The following ANPEP variants were observed in gnomAD, a reference collection of about 807,000 sequenced individuals.
ANPEP encodes the protein alanyl aminopeptidase, membrane.
Under a neutral mutation model 114.6 loss-of-function variants are expected in ANPEP, and 70 were observed. The ratio of observed to expected loss-of-function variants is 0.61; its 90% confidence interval spans 0.50 to 0.75. ANPEP has a LOEUF of 0.75. Among genes scored for constraint, ANPEP ranks in the 30% least tolerant of loss-of-function variants. ANPEP has a pLI of 0.00. For synonymous variants in ANPEP, 548 were observed against 522.3 expected (o/e 1.05, Z -0.67); for missense variants, 1,184 against 1,259.5 (o/e 0.94, Z 0.91).
chr15:89,792,638 G>T, intron 16 of ANPEP, 76 bp from the exon 17 acceptor site: 1 of 1,314,188 alleles, frequency 7.6e-7, no homozygotes, highest in Non-Finnish European at 1.1e-6. Flanking sequence ...CACAACCCCA[G>T]GCCGGCACCC....
At chr15:89,794,891 T>C (rs2141795766) in intron 15 of ANPEP, among the ~76,000 whole-genome samples, 1 of 152,258 alleles carries the variant, frequency 6.6e-6, no homozygotes, top group Non-Finnish European at 1.5e-5. Flanking sequence ...CATGGACTAA[T>C]TTTTGAGGGT....
chr15:89,809,884 G>C (rs1000577907), intron 1 of ANPEP, among the ~76,000 whole-genome samples: 2 of 152,176 alleles, frequency 1.3e-5, no homozygotes, highest in South Asian at 4.1e-4. Flanking sequence ...CGTCTCCCCA[G>C]ATCATCGGGG....
At position 89,785,396 on chromosome 15, in the gene ANPEP, C is replaced by G; in HGVS notation, c.2857G>C (p.Glu953Gln). ...KTKANIKWVK[E>Q]NKEVVLQWFT... is the part of the protein sequence containing the mutation. ...CACTGGAGCACCACCTCCTTGTTCT[C>G]CTTCACCCACTTGATGTTGGCTTTC... Residue 953 changes from glutamate (E) to glutamine (Q), a missense_variant, in exon 21 of 21, where the codon GAG (glutamate) becomes CAG (glutamine). Coordinates refer to ENST00000300060, the MANE Select transcript of ANPEP (RefSeq NM_001150.3). 1 of 1,614,206 alleles carries G rather than the reference C, an allele frequency of 6.2e-7. No homozygotes were observed. Among genetic ancestry groups the G allele is most frequent in the Non-Finnish European group, 8.5e-7 (1 of 1,180,024 alleles).
rs1259369099 is a variant in ANPEP at position 89,803,585 on chromosome 15, T to C, written c.1437+62A>G. ...CTGTGCCCCCAGACCCTGCCTTCAG[T>C]GAGGCCCCTCCAGGCCAAGTCCCCA... On this transcript the variant is annotated intron_variant, in intron 8 of 20. Coordinates refer to ENST00000300060, the MANE Select transcript of ANPEP (RefSeq NM_001150.3). This position sits in a 1 kb window ranked among gnomAD's most constrained non-coding sequence, Gnocchi z 4.2. 6.2e-7 allele frequency: 1 copy of C among 1,601,536 alleles called. No homozygotes were observed.
In ANPEP at chr15:89,790,527, G is replaced by A. The variant is rs756198835; in HGVS notation, c.2684C>T (p.Ser895Leu). Residue 895 changes from serine (S) to leucine (L), a missense_variant, in exon 20 of 21, where the codon TCG becomes TTG. Transcript: ENST00000300060. The part of the protein sequence containing the change: ...KKLFNDYGGG[S>L]FSFSNLIQAV... ...CTGGATGAGGTTGGAGAAGGAGAAC[G>A]AGCCACCACCATAACTGCAGGGAGG... is the stretch of plus-strand genomic sequence containing the variant. 28 of 1,613,830 alleles carry A rather than the reference G, an allele frequency of 1.7e-5. No individual in the cohort carries two copies. The highest frequency in any genetic ancestry group is 2.7e-5 in the African/African-American group (2 of 74,912).
Position 89,806,901 on chromosome 15 carries a change from G to A in ANPEP, c.-223-95C>T. 1 of 330,444 alleles carries A rather than the reference G, an allele frequency of 3.0e-6. No homozygotes were observed. The highest frequency in any genetic ancestry group is 4.7e-5 in the South Asian group (1 of 21,382). The allele number at this position is 330,444 out of a possible 1,614,324, so 20.5% of individuals were successfully genotyped here. ...CAGGCTTCCGGCTGTAGGCCCAGTGGGCAAAGCAAGCGGCCAGGTGGCATT... is the reference window on the plus strand; with the variant it reads ...CAGGCTTCCGGCTGTAGGCCCAGTGAGCAAAGCAAGCGGCCAGGTGGCATT... On this transcript the variant is annotated intron_variant, in intron 1 of 20. Coordinates refer to ENST00000300060, the MANE Select transcript of ANPEP (RefSeq NM_001150.3). The surrounding 1 kb of genome is among the most constrained non-coding windows in gnomAD (Gnocchi z 5.7).
rs200451419 is a variant in ANPEP at position 89,803,414 on chromosome 15, C to A, written c.1503+28G>T. 5.6e-6 allele frequency: 9 copies of A among 1,610,792 alleles called. No individual in the cohort carries two copies. Among genetic ancestry groups the A allele is most frequent in the Non-Finnish European group, 7.6e-6 (9 of 1,178,272 alleles). ...CGAGGGGCAGAAGGAGACCCACCCT[C>A]ATGGCTGGCCCAGGGTGCAGTACTC... is the stretch of plus-strand genomic sequence containing the variant. On this transcript the variant is annotated intron_variant, in intron 9 of 20. Coordinates refer to ENST00000300060, the MANE Select transcript of ANPEP (RefSeq NM_001150.3). The surrounding 1 kb of genome is among the most constrained non-coding windows in gnomAD (Gnocchi z 4.2).
chr15:89,792,606 A>T (rs2141792639), intron 16 of ANPEP, 44 bp from the exon 17 acceptor site: 4 of 1,557,212 alleles, frequency 2.6e-6, no homozygotes, highest in Non-Finnish European at 3.5e-6. Flanking sequence ...GGCGAACTCC[A>T]GCCAAGATTC....
At chr15:89,791,162 C>T in intron 18 of ANPEP, 69 bp from the exon 19 acceptor site, 1 of 1,550,128 alleles carries the variant, frequency 6.5e-7, no homozygotes, top group East Asian at 2.2e-5. Flanking sequence ...TGGACTGTCC[C>T]ACGCACATCA....
At chr15:89,805,018 G>A (rs957559777) in intron 4 of ANPEP, 60 bp downstream of exon 4, 6 of 1,608,542 alleles carry the variant, frequency 3.7e-6, no homozygotes, top group Admixed American at 1.7e-5. Flanking sequence ...TGAAGAGAAC[G>A]GGAAGACCCC....
chr15:89,808,287 A>G (rs1894759393), intron 1 of ANPEP, among the ~76,000 whole-genome samples: 1 of 152,170 alleles, frequency 6.6e-6, no homozygotes, highest in South Asian at 2.1e-4. Context: ...TCCGCAGCGA[A>G]GCCGCCCTGA....
At position 89,805,133 on chromosome 15, in the gene ANPEP, G is replaced by T; in HGVS notation, c.842C>A (p.Ala281Asp). The T allele has an allele frequency of 6.2e-7, 1 of 1,614,228 alleles. No homozygotes were observed. Among genetic ancestry groups the T allele is most frequent in the East Asian group, 2.2e-5 (1 of 44,882 alleles). The part of the protein sequence containing the change: ...TTPKMSTYLL[A>D]FIVSEFDYVE... ...GTAGTCGAACTCACTGACAATGAAG[G>T]CCAGCAAGTACGTGGACATCTTGGG... is the stretch of plus-strand genomic sequence containing the variant. The change falls in exon 4 of 21, where the codon GCC becomes GAC. Residue 281 changes from alanine (A) to aspartate (D), a missense_variant. Coordinates refer to ENST00000300060, the MANE Select transcript of ANPEP (RefSeq NM_001150.3).
chr15:89,786,467 A>T (rs1011852989), intron 20 of ANPEP, among the ~76,000 whole-genome samples: 2 of 151,120 alleles, frequency 1.3e-5, no homozygotes, highest in African/African-American at 4.9e-5. Context: ...AATAGCCAAA[A>T]CAATATTGAA....
intron 1 of ANPEP, among the ~76,000 whole-genome samples, chr15:89,813,284 T>C (rs188702836): frequency 5.9e-5 from 9 of 152,264 alleles, no homozygotes; most frequent in Admixed American, 3.9e-4. Context: ...GGGACCCCCA[T>C]CTATGTCCTC....
chr15:89,809,276 C>G lies in ANPEP; in HGVS notation c.-223-2470G>C, dbSNP rs149736187. Among the ~76,000 whole-genome samples, 11 of 152,336 alleles carry G rather than the reference C, an allele frequency of 7.2e-5. No individual in the cohort carries two copies. The East Asian group carries it at 1.7e-3, about 24-fold the overall frequency. On this transcript the variant is annotated intron_variant, in intron 1 of 20. Coordinates refer to ENST00000300060, the MANE Select transcript of ANPEP (RefSeq NM_001150.3). The stretch of plus-strand genomic sequence containing the variant: ...GAAAAGCCTTTTGATATGTCCCTGA[C>G]GGAGCCTGCAGCCCCCTCCCACCTT...
In ANPEP at chr15:89,791,456, G is replaced by A. The variant is rs193302571; in HGVS notation, c.2529-363C>T. On this transcript the variant is annotated intron_variant, in intron 18 of 20. Coordinates refer to ENST00000300060, the MANE Select transcript of ANPEP (RefSeq NM_001150.3). ...TTTCTTTTCTCTTTTCTTTTCTTTC[G>A]AGACGGAGTCTCACTCTGTCGCCCA... Among the ~76,000 whole-genome samples, 285 of 151,970 alleles carry A rather than the reference G, an allele frequency of 1.9e-3. 1 individual carries two copies. Among genetic ancestry groups the A allele is most frequent in the Admixed American group, 3.3e-3 (51 of 15,262 alleles).
chr15:89,790,912 C>T, intron 19 of ANPEP, 41 bp downstream of exon 19: 1 of 1,604,372 alleles, frequency 6.2e-7, no homozygotes, highest in Non-Finnish European at 8.5e-7. Flanking sequence ...GGGCCCCAGC[C>T]TCGGCGCTCG....
At chr15:89,786,082 C>A (rs1968501907) in intron 20 of ANPEP, among the ~76,000 whole-genome samples, 1 of 152,140 alleles carries the variant, frequency 6.6e-6, no homozygotes, top group Non-Finnish European at 1.5e-5. Flanking sequence ...AAGAGCAATA[C>A]ACAAATATCA....
At chr15:89,789,754 T>C (rs950608968) in intron 20 of ANPEP, among the ~76,000 whole-genome samples, 1 of 130,360 alleles carries the variant, frequency 7.7e-6, no homozygotes, top group African/African-American at 3.2e-5. Context: ...CCAGCCTGCA[T>C]GACAGAGCGA....
Sources: gnomAD v4.1 joint callset for allele counts (sites outside exome capture counted in the v4.1 genomes callset) on GRCh38, gnomAD v4.1.1 for gene constraint, Gnocchi (gnomAD v3.1) non-coding constraint, MANE v1.5 for transcripts, NCBI Gene and HGNC (gene_info 2026-07-23, HGNC 2026-07-21) for gene names.